The following SPAG16 variants were observed in gnomAD, a reference collection of about 807,000 sequenced individuals.
The protein encoded by SPAG16 is sperm-associated antigen 16 protein.
SPAG16 carries 86 observed loss-of-function variants against 80.4 expected under a neutral mutation model. The ratio of observed to expected loss-of-function variants is 1.07; its 90% CI spans 0.90 to 1.28. The LOEUF is 1.28. Ranked by LOEUF, SPAG16 falls within the 50% of genes most tolerant of loss-of-function variation. SPAG16 has a pLI of 0.00. For missense variants in SPAG16, 870 were observed against 765.3 expected, an observed-to-expected ratio of 1.14 and a Z score of -1.61; for synonymous variants, 294 against 265.9, an observed-to-expected ratio of 1.11 and a Z score of -1.03.
At chr2:214,229,622 TATTC>T (rs1230254853) in intron 15 of SPAG16, among the ~76,000 whole-genome samples, 5 of 151,716 alleles carry the variant, frequency 3.3e-5, no homozygotes, top group Non-Finnish European at 5.9e-5. Flanking sequence ...ATTAAGCTAA[TATTC>T]ATTCAGTTTA....
intron 9 of SPAG16, among the ~76,000 whole-genome samples, chr2:213,453,790 G>C (rs1423411000): frequency 6.6e-6 from 1 of 152,156 alleles, no homozygotes; most frequent in Non-Finnish European, 1.5e-5. Flanking sequence ...ACAATGAATT[G>C]GTTCTATGGA....
chr2:213,398,930 T>A (rs1472321623), intron 9 of SPAG16, among the ~76,000 whole-genome samples: 1 of 152,144 alleles, frequency 6.6e-6, no homozygotes, highest in Non-Finnish European at 1.5e-5. Context: ...AAAAAATGTG[T>A]TTTGTTAGTT....
chr2:213,631,057 C>G (rs373397787), intron 10 of SPAG16, among the ~76,000 whole-genome samples: 111 of 152,128 alleles, frequency 7.3e-4, no homozygotes, highest in African/African-American at 2.6e-3. Context: ...TAATGAAAAT[C>G]CAGGGAAAAC....
intron 12 of SPAG16, among the ~76,000 whole-genome samples, chr2:213,963,407 A>T (rs1170588816): frequency 6.6e-6 from 1 of 152,052 alleles, no homozygotes; most frequent in African/African-American, 2.4e-5. Flanking sequence ...GATTTCTACG[A>T]TTTCTACGAT....
Position 213,759,880 on chromosome 2 carries a change from C to CA in SPAG16, c.1071-102599dup, listed in dbSNP as rs1222473342. 2.6e-5 allele frequency among the ~76,000 whole-genome samples: 4 copies of CA among 151,892 alleles called. No individual in the cohort carries two copies. The South Asian group carries it at 8.3e-4, about 32-fold the overall frequency. On this transcript the variant is annotated intron_variant, in intron 10 of 15. Coordinates refer to ENST00000331683, the MANE Select transcript of SPAG16 (RefSeq NM_024532.5). ...TGAAACCCTGTCTCTACTAAAAATA[C>CA]AAAAAATAGCTAGGTGTGGTGGCAC...
chr2:214,341,613 A>C (rs2126031718), intron 15 of SPAG16, among the ~76,000 whole-genome samples: 1 of 152,310 alleles, frequency 6.6e-6, no homozygotes, highest in South Asian at 2.1e-4. Flanking sequence ...TTCTGGATGA[A>C]AAAAAATGAA....
intron 15 of SPAG16, chr2:214,238,591 A>C (rs1181345068): frequency 6.6e-6 from 1 of 151,138 alleles, no homozygotes; most frequent in South Asian, 2.1e-4. Context: ...TGTTAAATTA[A>C]CATTATTGCT....
intron 10 of SPAG16, among the ~76,000 whole-genome samples, chr2:213,632,257 T>A (rs931267774): frequency 6.6e-6 from 1 of 152,108 alleles, no homozygotes; most frequent in Non-Finnish European, 1.5e-5. Context: ...GATTCCTTTT[T>A]AAATTTTTTT....
chr2:213,926,481 A>T (rs992292088), intron 11 of SPAG16, among the ~76,000 whole-genome samples: 1 of 152,160 alleles, frequency 6.6e-6, no homozygotes, highest in East Asian at 1.9e-4. Context: ...CCTGTGAGTG[A>T]GAACATATCA....
At chr2:213,714,212 A>G (rs2066132407) in intron 10 of SPAG16, among the ~76,000 whole-genome samples, 1 of 152,152 alleles carries the variant, frequency 6.6e-6, no homozygotes, top group Admixed American at 6.5e-5. Flanking sequence ...CTCGAGGACA[A>G]TATATTGCCT....
intron 13 of SPAG16, among the ~76,000 whole-genome samples, chr2:214,036,609 T>C (rs2048710806): frequency 6.6e-6 from 1 of 152,196 alleles, no homozygotes; most frequent in African/African-American, 2.4e-5. Context: ...GATAATTGTA[T>C]TTTCTCCCTT....
intron 15 of SPAG16, among the ~76,000 whole-genome samples, chr2:214,212,555 T>G (rs1559132599): frequency 1.3e-5 from 2 of 152,024 alleles, no homozygotes. Context: ...GCCCTGTATC[T>G]GTACCTAGTT....
chr2:213,550,897 T>C (rs1239420108), intron 10 of SPAG16, among the ~76,000 whole-genome samples: 1 of 152,108 alleles, frequency 6.6e-6, no homozygotes, highest in East Asian at 1.9e-4. Context: ...AATTATACTT[T>C]TATGCATATT....
chr2:213,941,660 C>A (rs1185613606), intron 12 of SPAG16, among the ~76,000 whole-genome samples: 2 of 152,260 alleles, frequency 1.3e-5, no homozygotes, highest in African/African-American at 4.8e-5. Flanking sequence ...TCACTTACTT[C>A]TAGACCACTT....
intron 11 of SPAG16, among the ~76,000 whole-genome samples, chr2:213,877,151 T>G (rs928956636): frequency 9.2e-5 from 14 of 152,138 alleles, no homozygotes; most frequent in African/African-American, 3.4e-4. Flanking sequence ...TACCCCAAAC[T>G]CTTTTCTTCA....
chr2:213,489,693 T>C (rs563800831), intron 9 of SPAG16, among the ~76,000 whole-genome samples: 18 of 152,212 alleles, frequency 1.2e-4, no homozygotes, highest in Admixed American at 1.2e-3. Context: ...TTGTGCTTCA[T>C]TGGAATTCAA....
At chr2:213,447,234 C>T (rs539557795) in intron 9 of SPAG16, among the ~76,000 whole-genome samples, 7 of 152,174 alleles carry the variant, frequency 4.6e-5, no homozygotes, top group Non-Finnish European at 1.0e-4. Flanking sequence ...CATCATCCTA[C>T]TTTGCATAGG....
chr2:214,345,038 T>C (rs189948027), intron 15 of SPAG16, among the ~76,000 whole-genome samples: 1 of 152,296 alleles, frequency 6.6e-6, no homozygotes, highest in Admixed American at 6.5e-5. Flanking sequence ...CACAATATGA[T>C]GGGAAACAAT....
At chr2:213,797,009 G>A (rs1181847812) in intron 10 of SPAG16, among the ~76,000 whole-genome samples, 1 of 150,816 alleles carries the variant, frequency 6.6e-6, no homozygotes, top group Non-Finnish European at 1.5e-5. Flanking sequence ...GTAGGCCTGA[G>A]CTAATGTGTA....
Sources: gnomAD v4.1 joint callset for allele counts (sites outside exome capture counted in the v4.1 genomes callset) on GRCh38, gnomAD v4.1.1 for gene constraint, MANE v1.5 for transcripts, NCBI Gene and HGNC (gene_info 2026-07-23, HGNC 2026-07-21) for gene names.